Variants in IPO5 observed in about 807,000 individuals in gnomAD.
IPO5 encodes the protein importin-5.
In IPO5, 18 loss-of-function variants were observed where a neutral mutation model predicts 143.3. The observed-to-expected ratio is 0.13, with a 90% CI of 0.09 to 0.19. The LOEUF is 0.19. IPO5 is among the 10% of genes least tolerant of loss of function. The probability of loss-of-function intolerance (pLI) is 1.00; values close to 1 mark genes in which losing one functional copy is unlikely to be tolerated. For missense variants in IPO5, 1,013 were observed against 1,336.9 expected, an observed-to-expected ratio of 0.76 and a Z score of 3.78; for synonymous variants, 477 against 465.7, an observed-to-expected ratio of 1.02 and a Z score of -0.31.
Position 97,999,455 on chromosome 13 carries a change from A to T in IPO5, c.1002-1084A>T, listed in dbSNP as rs72651172. Among the ~76,000 whole-genome samples, 1,074 of 152,282 alleles carry T rather than the reference A, an allele frequency of 7.1e-3. 9 individuals carry two copies. Among genetic ancestry groups the T allele is most frequent in the Non-Finnish European group, 9.8e-3 (669 of 68,032 alleles). On this transcript the variant is annotated intron_variant, in intron 12 of 28. Coordinates refer to ENST00000651721, the MANE Select transcript of IPO5 (RefSeq NM_002271.6). ...CATTTGCCCTGCAAATGGCACTTAA[A>T]TTTATACAGTTTAAGAAACTTTGTT...
chr13:97,975,705 G>A (rs1886225587), intron 3 of IPO5: 1 of 152,648 alleles, frequency 6.6e-6, no homozygotes, highest in Non-Finnish European at 1.5e-5. Flanking sequence ...TAGGAAGAAA[G>A]GTGTCTCTCT....
At chr13:98,020,052 C>T (rs1331548328) in intron 27 of IPO5, 1 of 331,038 alleles carries the variant, frequency 3.0e-6, no homozygotes, top group African/African-American at 2.1e-5. Context: ...AGATGAGGCA[C>T]TTTAATTATT....
chr13:97,967,884 G>T (rs945929708), intron 2 of IPO5, among the ~76,000 whole-genome samples: 9 of 152,096 alleles, frequency 5.9e-5, no homozygotes, highest in Non-Finnish European at 2.9e-5. Flanking sequence ...GCCCACCTCG[G>T]CCTCCCAATA....
At position 98,002,603 on chromosome 13, in the gene IPO5, TA is replaced by T; in HGVS notation, c.1233+15del. ...TTCTCCAGGATCCTGTAAGTACCAGTAAATATTTGATTCAAAATGATTAGTG... is the reference window on the plus strand; with the variant it reads ...TTCTCCAGGATCCTGTAAGTACCAGTAATATTTGATTCAAAATGATTAGTG... On this transcript the variant is annotated intron_variant, in intron 14 of 28. Coordinates refer to ENST00000651721, the MANE Select transcript of IPO5 (RefSeq NM_002271.6). The T allele has an allele frequency of 1.2e-6, 2 of 1,611,898 alleles. No individual in the cohort carries two copies. The highest frequency in any genetic ancestry group is 2.2e-5 in the South Asian group (2 of 90,598).
In IPO5 at chr13:97,997,568, A is replaced by G; in HGVS notation, c.951A>G (p.Glu317=). The G allele has an allele frequency of 6.2e-7, 1 of 1,610,934 alleles. No individual in the cohort carries two copies. Among genetic ancestry groups the G allele is most frequent in the Non-Finnish European group, 8.5e-7 (1 of 1,177,464 alleles). ...TAGCAATGATGGTTGATTTGGAAGA[A>G]GATGAGGACTGGGCAAATGCAGATG... The part of the protein sequence containing the change: ...QMLAMMVDLE[E]DEDWANADEL... The change falls in exon 12 of 29, where the codon GAA becomes GAG. Residue 317 remains glutamate (E), a synonymous_variant. Transcript: ENST00000651721.
chr13:97,962,197 GTCCTT>G (rs758388096), intron 2 of IPO5, among the ~76,000 whole-genome samples: 3,773 of 152,200 alleles, frequency 0.025, 65 homozygotes, highest in Middle Eastern at 0.044. Flanking sequence ...TCTTGATGGT[GTCCTT>G]AAAAGCACAA....
chr13:97,999,527 A>G (rs1888586008), intron 12 of IPO5, among the ~76,000 whole-genome samples: 1 of 152,196 alleles, frequency 6.6e-6, no homozygotes, highest in African/African-American at 2.4e-5. Context: ...AACAGCATAA[A>G]TATATTTTCA....
intron 3 of IPO5, among the ~76,000 whole-genome samples, chr13:97,974,308 T>C (rs545365295): frequency 2.0e-4 from 31 of 151,438 alleles, no homozygotes; most frequent in African/African-American, 7.3e-4. Context: ...TGTCTGAAAT[T>C]CTTTTTTTTT....
At chr13:97,966,534 G>T (rs1352371850) in intron 2 of IPO5, among the ~76,000 whole-genome samples, 1 of 152,002 alleles carries the variant, frequency 6.6e-6, no homozygotes, top group Non-Finnish European at 1.5e-5. Flanking sequence ...CTAGTATTTT[G>T]TTTATAATTT....
At chr13:97,977,035 G>A (rs1225132500) in intron 4 of IPO5, 7 of 201,498 alleles carry the variant, frequency 3.5e-5, no homozygotes, top group Non-Finnish European at 7.4e-5. Flanking sequence ...ACGTGCGGCC[G>A]CTCCCGACGC....
intron 8 of IPO5, 51 bp from the exon 9 acceptor site, chr13:97,990,382 T>TG: frequency 7.3e-7 from 1 of 1,361,998 alleles, no homozygotes; most frequent in Non-Finnish European, 1.0e-6. Context: ...AACTTGAATT[T>TG]GCGTTTATCA....
At chr13:97,977,554 C>T (rs1177530706) in intron 4 of IPO5, among the ~76,000 whole-genome samples, 4 of 152,176 alleles carry the variant, frequency 2.6e-5, no homozygotes, top group African/African-American at 7.2e-5. Flanking sequence ...GGGCCAGTAC[C>T]ATATGTTTAA....
chr13:97,989,015 G>A (rs1036291768), intron 6 of IPO5, 47 bp from the exon 7 acceptor site: 23 of 1,041,198 alleles, frequency 2.2e-5, no homozygotes, highest in Non-Finnish European at 3.5e-5. Context: ...CTAGTATATT[G>A]AAGTTCTGAC....
rs757437873 is a variant in IPO5 at position 98,011,794 on chromosome 13, C to T, written c.2056-452C>T. Among the ~76,000 whole-genome samples the T allele has an allele frequency of 2.6e-5, 4 of 152,282 alleles. No homozygotes were observed. The South Asian group carries it at 6.2e-4, about 24-fold the overall frequency. On this transcript the variant is annotated intron_variant, in intron 20 of 28. Coordinates refer to ENST00000651721, the MANE Select transcript of IPO5 (RefSeq NM_002271.6). ...TGCTGGGATTACAAGCATGAGCCACCGTGCCCAGCCATGATTTTTTAAAAA... is the reference window on the plus strand; with the variant it reads ...TGCTGGGATTACAAGCATGAGCCACTGTGCCCAGCCATGATTTTTTAAAAA...
chr13:97,964,443 CTTTTTTT>C (rs369952371), intron 2 of IPO5, among the ~76,000 whole-genome samples: 8 of 108,216 alleles, frequency 7.4e-5, no homozygotes, highest in Non-Finnish European at 1.3e-4. Context: ...CCATTTCTTT[CTTTTTTT>C]TTTTTTTTTT....
chr13:98,016,631 A>C, intron 24 of IPO5, 98 bp from the exon 25 acceptor site: 1 of 639,428 alleles, frequency 1.6e-6, no homozygotes, highest in East Asian at 3.4e-5. Flanking sequence ...TGAGAAATTG[A>C]TTTTCTGCAT....
intron 4 of IPO5, among the ~76,000 whole-genome samples, chr13:97,978,335 C>T (rs369596784): frequency 1.2e-4 from 19 of 152,126 alleles, no homozygotes; most frequent in African/African-American, 4.6e-4. Context: ...AGGTTTTGGT[C>T]AGCTATAGAT....
chr13:97,988,921 T>G, intron 6 of IPO5, 141 bp from the exon 7 acceptor site: 4 of 535,344 alleles, frequency 7.5e-6, no homozygotes. Context: ...GGACAGAATT[T>G]TGTGGAGTTT....
At chr13:97,970,291 C>G (rs985704965) in intron 3 of IPO5, among the ~76,000 whole-genome samples, 1 of 152,080 alleles carries the variant, frequency 6.6e-6, no homozygotes, top group Non-Finnish European at 1.5e-5. Context: ...TAATTTCCTA[C>G]TAAGTCTTTG....
Sources: gnomAD v4.1 joint callset for allele counts (sites outside exome capture counted in the v4.1 genomes callset) on GRCh38, gnomAD v4.1.1 for gene constraint, MANE v1.5 for transcripts, NCBI Gene and HGNC (gene_info 2026-07-23, HGNC 2026-07-21) for gene names.